Variants in USP13 observed in about 807,000 individuals in gnomAD.
USP13 encodes ubiquitin specific peptidase 13.
A neutral mutation model predicts 107.8 loss-of-function variants in USP13; 68 were observed. The ratio of observed to expected loss-of-function variants is 0.63; its 90% CI spans 0.52 to 0.77. The LOEUF (loss-of-function observed/expected upper bound fraction) is 0.77. Ranked by LOEUF, USP13 falls within the 30% of genes least tolerant of loss-of-function variation. USP13 has a pLI of 0.00. For missense variants in USP13, 945 were observed against 1,093.3 expected, an observed-to-expected ratio of 0.86 and a Z score of 1.91; for synonymous variants, 377 against 389.5, an observed-to-expected ratio of 0.97 and a Z score of 0.38.
At chr3:179,741,957 T>A (rs1219420478) in intron 11 of USP13, among the ~76,000 whole-genome samples, 1 of 152,234 alleles carries the variant, frequency 6.6e-6, no homozygotes, top group African/African-American at 2.4e-5. Flanking sequence ...CCATGGTTTT[T>A]AATTTAATAA....
chr3:179,766,891 C>G (rs1715193753), intron 19 of USP13, among the ~76,000 whole-genome samples: 1 of 152,180 alleles, frequency 6.6e-6, no homozygotes, highest in South Asian at 2.1e-4. Context: ...TCAGCACCTC[C>G]TCCAGTCAGA....
chr3:179,699,948 T>G (rs1342179995), intron 3 of USP13, among the ~76,000 whole-genome samples: 1 of 152,042 alleles, frequency 6.6e-6, no homozygotes, highest in Non-Finnish European at 1.5e-5. Flanking sequence ...CTTCTGTCTA[T>G]AGAGCCTATG....
chr3:179,762,449 C>T (rs1163748475), intron 17 of USP13, among the ~76,000 whole-genome samples: 3 of 152,030 alleles, frequency 2.0e-5, no homozygotes, highest in African/African-American at 4.8e-5. Context: ...GGCATGGTGG[C>T]GGGCACCTGG....
chr3:179,695,949 G>A (rs1345184861), intron 3 of USP13, among the ~76,000 whole-genome samples: 1 of 152,140 alleles, frequency 6.6e-6, no homozygotes, highest in Non-Finnish European at 1.5e-5. Context: ...AGTCTCTGAG[G>A]GAACATATTG....
chr3:179,694,220 C>T (rs1308083159), intron 3 of USP13, among the ~76,000 whole-genome samples: 1 of 152,164 alleles, frequency 6.6e-6, no homozygotes, highest in African/African-American at 2.4e-5. Flanking sequence ...AGTGATCTGC[C>T]TGCCTTGGCC....
chr3:179,688,229 CCA>C (rs1189613992), intron 2 of USP13, among the ~76,000 whole-genome samples: 14 of 149,746 alleles, frequency 9.3e-5, no homozygotes, highest in East Asian at 2.0e-4. Flanking sequence ...ATCCATCCAT[CCA>C]TCCATCCAAC....
intron 19 of USP13, among the ~76,000 whole-genome samples, chr3:179,767,378 C>T (rs370776502): frequency 6.6e-6 from 1 of 151,940 alleles, no homozygotes; most frequent in East Asian, 1.9e-4. Flanking sequence ...GGCAGTCTGC[C>T]TCCAGAGCCT....
intron 1 of USP13, among the ~76,000 whole-genome samples, chr3:179,657,121 G>A (rs1479179546): frequency 2.0e-5 from 3 of 152,196 alleles, no homozygotes; most frequent in African/African-American, 7.2e-5. Context: ...CTGTAAAATG[G>A]AGACAGTAAC....
intron 1 of USP13, among the ~76,000 whole-genome samples, chr3:179,679,956 C>T (rs1371478315): frequency 6.6e-6 from 1 of 152,034 alleles, no homozygotes; most frequent in African/African-American, 2.4e-5. Flanking sequence ...GGGCGGATTG[C>T]TTGAGCCCAG....
intron 1 of USP13, among the ~76,000 whole-genome samples, chr3:179,667,398 T>A (rs994306019): frequency 1.3e-5 from 2 of 152,182 alleles, no homozygotes; most frequent in African/African-American, 4.8e-5. Context: ...TCATCACTTT[T>A]AAAAAATAAA....
intron 16 of USP13, 108 bp downstream of exon 16, chr3:179,757,186 C>A: frequency 2.4e-6 from 3 of 1,268,444 alleles, no homozygotes; most frequent in Non-Finnish European, 3.4e-6. Flanking sequence ...TGTGTGTGTG[C>A]AGCTTTTCCC....
chr3:179,770,440 G>T (rs180960968), intron 19 of USP13, among the ~76,000 whole-genome samples: 6 of 152,160 alleles, frequency 3.9e-5, no homozygotes, highest in East Asian at 3.9e-4. Context: ...TTATATAAAG[G>T]TACCGATTTT....
intron 1 of USP13, among the ~76,000 whole-genome samples, chr3:179,659,240 G>A (rs1450683771): frequency 6.6e-6 from 1 of 152,078 alleles, no homozygotes; most frequent in Admixed American, 6.5e-5. Context: ...ATCTACTTGT[G>A]GGAACACTTC....
intron 4 of USP13, among the ~76,000 whole-genome samples, chr3:179,704,628 C>T (rs1392284044): frequency 1.3e-5 from 2 of 152,102 alleles, no homozygotes; most frequent in African/African-American, 4.8e-5. Flanking sequence ...TGTCCCAAAC[C>T]CATAAAGCCT....
chr3:179,679,205 T>C lies in USP13; in HGVS notation c.169-2673T>C, dbSNP rs183558335. ...TGGAATTTTAAACAATTTTTTGGAATTTAAAAAATTTTATTGGAATTTAAA... is the reference window on the plus strand; with the variant it reads ...TGGAATTTTAAACAATTTTTTGGAACTTAAAAAATTTTATTGGAATTTAAA... On this transcript the variant is annotated intron_variant, in intron 1 of 20. Coordinates refer to ENST00000263966, the MANE Select transcript of USP13 (RefSeq NM_003940.3). Among the ~76,000 whole-genome samples, 17 of 152,240 alleles carry C rather than the reference T, an allele frequency of 1.1e-4. No individual in the cohort carries two copies. In the East Asian group the frequency reaches 3.1e-3, roughly 28 times the overall value.
intron 14 of USP13, among the ~76,000 whole-genome samples, chr3:179,753,262 G>A (rs1349928848): frequency 1.3e-5 from 2 of 152,154 alleles, no homozygotes; most frequent in African/African-American, 2.4e-5. Flanking sequence ...AGAGACCTCC[G>A]GCACTAACAG....
intron 19 of USP13, 79 bp downstream of exon 19, chr3:179,765,927 A>C: frequency 6.8e-7 from 1 of 1,460,682 alleles, no homozygotes; most frequent in Non-Finnish European, 9.2e-7. Flanking sequence ...ACCACAACAT[A>C]GTCAAGCCTT....
chr3:179,749,045 G>A (rs1045608837), intron 13 of USP13, among the ~76,000 whole-genome samples: 3 of 152,132 alleles, frequency 2.0e-5, no homozygotes, highest in African/African-American at 7.2e-5. Context: ...TAATTTGAGT[G>A]TGGTGGATTA....
At position 179,782,381 on chromosome 3, in the gene USP13, C is replaced by T. The variant is rs1481486228; in HGVS notation, c.2498+558C>T. On this transcript the variant is annotated intron_variant, in intron 20 of 20. Transcript: ENST00000263966. ...AAACCTTCAGTGCTTTGCCTTACTA[C>T]AGCCTTGCAGTTGGCTTCTCAGCCT... Among the ~76,000 whole-genome samples the T allele has an allele frequency of 3.3e-5, 5 of 152,218 alleles. No individual in the cohort carries two copies. The East Asian group carries it at 7.7e-4, about 23-fold the overall frequency.
Sources: gnomAD v4.1 joint callset for allele counts (sites outside exome capture counted in the v4.1 genomes callset) on GRCh38, gnomAD v4.1.1 for gene constraint, MANE v1.5 for transcripts, NCBI Gene and HGNC (gene_info 2026-07-23, HGNC 2026-07-21) for gene names.